SLC17A1: variants seen among roughly 807,000 people sequenced by gnomAD.
The protein encoded by SLC17A1 is solute carrier family 17 member 1.
Under a neutral mutation model 53.5 loss-of-function variants are expected in SLC17A1, and 51 were observed. The ratio of observed to expected loss-of-function variants is 0.95; its 90% CI spans 0.76 to 1.20. The LOEUF (loss-of-function observed/expected upper bound fraction) is 1.20, where lower values mean the gene tolerates loss of function less well. SLC17A1 is among the 50% of genes most tolerant of loss of function. The pLI is 0.00. For synonymous variants in SLC17A1, 179 were observed against 198.8 expected (o/e 0.90, Z 0.84); for missense variants, 538 against 568.2 (o/e 0.95, Z 0.54).
At chr6:25,726,836 G>A in the SLC17A1 span, 1 of 1,509,630 alleles carries the variant, frequency 6.6e-7, no homozygotes, top group Non-Finnish European at 8.9e-7. Flanking sequence ...ATACTGAAGA[G>A]CTGTTGAGCA....
intron 2 of SLC17A1, among the ~76,000 whole-genome samples, chr6:25,828,014 G>C (rs765285): frequency 0.65 from 98,696 of 152,044 alleles, 33,860 homozygotes; most frequent in African/African-American, 0.87. Flanking sequence ...GTGGAAGAGG[G>C]GCCTATGATT....
At chr6:25,737,993 C>T in the SLC17A1 span, among the ~76,000 whole-genome samples, 2 of 151,744 alleles carry the variant, frequency 1.3e-5, no homozygotes, top group African/African-American at 2.4e-5. Context: ...TACAACAAGG[C>T]AAGAAAAAGA....
downstream of SLC17A1, chr6:25,778,037 G>A: frequency 4.4e-6 from 7 of 1,593,380 alleles, no homozygotes; most frequent in Non-Finnish European, 6.0e-6. Flanking sequence ...ATGTTCTGAT[G>A]AATATTCATA....
chr6:25,828,432 A>C (rs552738610), intron 2 of SLC17A1, among the ~76,000 whole-genome samples: 9 of 152,188 alleles, frequency 5.9e-5, no homozygotes, highest in Admixed American at 3.9e-4. Context: ...ATAAATAAAT[A>C]GATTTTTTAT....
At chr6:25,759,061 A>T in the SLC17A1 span, among the ~76,000 whole-genome samples, 1 of 152,164 alleles carries the variant, frequency 6.6e-6, no homozygotes. Context: ...TGAGCCAATG[A>T]TCATTTAGGA....
At chr6:25,783,983 G>A (rs1763324541) in intron 12 of SLC17A1, among the ~76,000 whole-genome samples, 1 of 94,588 alleles carries the variant, frequency 1.1e-5, no homozygotes, top group Admixed American at 1.2e-4. Flanking sequence ...AAGGGGGAGT[G>A]GCCAAGGTTC....
At chr6:25,792,020 C>T (rs1165964700) in intron 12 of SLC17A1, among the ~76,000 whole-genome samples, 2 of 152,166 alleles carry the variant, frequency 1.3e-5, no homozygotes, top group African/African-American at 4.8e-5. Flanking sequence ...TCCTTCAAGC[C>T]AATTCTTCAA....
the SLC17A1 span, chr6:25,732,796 G>GAC: frequency 1.3e-6 from 1 of 768,548 alleles, no homozygotes; most frequent in Non-Finnish European, 2.0e-6. Context: ...AAAGGATTGG[G>GAC]AGCCACTACC....
At chr6:25,761,559 A>G in the SLC17A1 span, among the ~76,000 whole-genome samples, 2 of 152,194 alleles carry the variant, frequency 1.3e-5, no homozygotes, top group African/African-American at 4.8e-5. Context: ...TTTTCAGGTA[A>G]TTTAATCCAC....
chr6:25,776,833 T>G, the SLC17A1 span: 1 of 1,613,986 alleles, frequency 6.2e-7, no homozygotes. Flanking sequence ...CCATCCGTGA[T>G]CCTCGTGTCC....
chr6:25,752,079 G>T, the SLC17A1 span, among the ~76,000 whole-genome samples: 1 of 152,196 alleles, frequency 6.6e-6, no homozygotes, highest in Non-Finnish European at 1.5e-5. Flanking sequence ...TCCCCACAGA[G>T]CATGTGCTGT....
chr6:25,751,011 A>G, the SLC17A1 span, among the ~76,000 whole-genome samples: 1 of 152,196 alleles, frequency 6.6e-6, no homozygotes, highest in Non-Finnish European at 1.5e-5. Flanking sequence ...ATGCGGAGAT[A>G]GGAGGAAGAC....
the SLC17A1 span, among the ~76,000 whole-genome samples, chr6:25,774,810 T>G: frequency 6.6e-6 from 1 of 152,154 alleles, no homozygotes; most frequent in Non-Finnish European, 1.5e-5. Flanking sequence ...AGACCTGGAT[T>G]CTCATTGCCT....
the SLC17A1 span, chr6:25,773,353 C>T: frequency 1.2e-6 from 2 of 1,613,924 alleles, no homozygotes; most frequent in Non-Finnish European, 1.7e-6. Context: ...TTTATCAGTG[C>T]TGGTGAGAAG....
chr6:25,727,352 C>G, the SLC17A1 span: 22 of 1,435,264 alleles, frequency 1.5e-5, no homozygotes, highest in African/African-American at 2.8e-5. Context: ...CTTAAACATA[C>G]TGAAACAGCT....
At chr6:25,766,082 TTTAA>T in the SLC17A1 span, among the ~76,000 whole-genome samples, 2,763 of 151,182 alleles carry the variant, frequency 0.018, 71 homozygotes, top group African/African-American at 0.06. Context: ...TTATAAAAAC[TTTAA>T]TTACATAATC....
At chr6:25,771,697 A>C in the SLC17A1 span, among the ~76,000 whole-genome samples, 1 of 152,206 alleles carries the variant, frequency 6.6e-6, no homozygotes, top group Non-Finnish European at 1.5e-5. Context: ...TTGCTTTTGC[A>C]CCAATCTAAT....
intron 12 of SLC17A1, among the ~76,000 whole-genome samples, chr6:25,794,695 G>A (rs959602715): frequency 2.0e-5 from 3 of 152,242 alleles, no homozygotes; most frequent in East Asian, 1.9e-4. Context: ...TCATGAACCC[G>A]GTACATTCGA....
At chr6:25,753,640 T>A in the SLC17A1 span, among the ~76,000 whole-genome samples, 1 of 152,254 alleles carries the variant, frequency 6.6e-6, no homozygotes, top group South Asian at 2.1e-4. Context: ...AAGTATAGAA[T>A]GAAGGCTGAC....
Sources: gnomAD v4.1 joint callset for allele counts (sites outside exome capture counted in the v4.1 genomes callset) on GRCh38, gnomAD v4.1.1 for gene constraint, MANE v1.5 for transcripts, NCBI Gene and HGNC (gene_info 2026-07-23, HGNC 2026-07-21) for gene names.